Variants in C11orf58 observed in about 807,000 individuals in gnomAD.
C11orf58 encodes small acidic protein.
A neutral mutation model predicts 22.7 loss-of-function variants in C11orf58; 5 were observed. The observed-to-expected ratio is 0.22, with a 90% CI of 0.12 to 0.46. The LOEUF (loss-of-function observed/expected upper bound fraction) is 0.46, where lower values mean the gene tolerates loss of function less well. C11orf58 is among the 20% of genes least tolerant of loss of function. C11orf58 has a pLI of 0.99. For synonymous variants in C11orf58, 71 were observed against 70.7 expected, an observed-to-expected ratio of 1.00 and a Z score of -0.02; for missense variants, 151 against 223.3, an observed-to-expected ratio of 0.68 and a Z score of 2.06.
chr11:16,745,868 C>A (rs1421797134), intron 2 of C11orf58, among the ~76,000 whole-genome samples: 1 of 152,016 alleles, frequency 6.6e-6, no homozygotes, highest in Non-Finnish European at 1.5e-5. Flanking sequence ...AGCTTTTTTT[C>A]TCTTTTTTTA....
rs1848569305 is a variant in C11orf58, at chr11:16,755,430, A to G, written c.*326A>G. On this transcript the variant is annotated 3_prime_UTR_variant, in exon 5 of 5. Coordinates refer to ENST00000228136, the MANE Select transcript of C11orf58 (RefSeq NM_014267.6). Reference sequence around the variant, plus strand: ...TGATAGCTATTTTATCATTTCCTTCATATTTTTCTCTTATAAAAATGTATT... The same window carrying G: ...TGATAGCTATTTTATCATTTCCTTCGTATTTTTCTCTTATAAAAATGTATT... 1 of 179,372 alleles carries G rather than the reference A, an allele frequency of 5.6e-6. No individual in the cohort carries two copies. The highest frequency in any genetic ancestry group is 2.4e-5 in the African/African-American group (1 of 42,038). The allele number at this position is 179,372 out of a possible 1,614,324, so 11.1% of individuals were successfully genotyped here.
Position 16,756,306 on chromosome 11 carries a change from G to A in C11orf58, c.*1202G>A, listed in dbSNP as rs976236607. 9.0e-6 allele frequency: 1 copy of A among 111,092 alleles called. No individual in the cohort carries two copies. Among genetic ancestry groups the A allele is most frequent in the East Asian group, 2.8e-4 (1 of 3,604 alleles). 6.9% of individuals were successfully genotyped at this position (111,092 alleles called of 1,614,324 possible). On this transcript the variant is annotated 3_prime_UTR_variant, in exon 5 of 5. Coordinates refer to ENST00000228136, the MANE Select transcript of C11orf58 (RefSeq NM_014267.6). Reference sequence around the variant, plus strand: ...TTTTTTTGAGACGGAGTCTCATTCTGTCGCCCAGGCTGGAGTGCAGTGGCG... The same window carrying A: ...TTTTTTTGAGACGGAGTCTCATTCTATCGCCCAGGCTGGAGTGCAGTGGCG...
At chr11:16,743,655 A>C (rs1848465311) in intron 1 of C11orf58, among the ~76,000 whole-genome samples, 2 of 152,210 alleles carry the variant, frequency 1.3e-5, no homozygotes, top group South Asian at 4.1e-4. Context: ...TGAAAGCTAA[A>C]AGTAGACAAC....
intron 2 of C11orf58, among the ~76,000 whole-genome samples, chr11:16,745,408 T>C (rs1208892597): frequency 2.0e-5 from 3 of 152,222 alleles, no homozygotes; most frequent in Non-Finnish European, 2.9e-5. Context: ...GAAGTCTTAC[T>C]GATAACATAA....
At chr11:16,744,411 G>A (rs963551945) in intron 1 of C11orf58, 190 bp from the exon 2 acceptor site, 1 of 557,452 alleles carries the variant, frequency 1.8e-6, no homozygotes, top group Non-Finnish European at 3.2e-6. Flanking sequence ...AAAGGATTCT[G>A]CTGTGAGGTA....
chr11:16,746,694 C>G (rs1848490361), intron 2 of C11orf58: 1 of 151,560 alleles, frequency 6.6e-6, no homozygotes, highest in Admixed American at 6.6e-5. Flanking sequence ...ATTAAATTCT[C>G]TTTTTTTTGT....
At chr11:16,753,781 G>C in intron 4 of C11orf58, 1 of 400,210 alleles carries the variant, frequency 2.5e-6, no homozygotes. Flanking sequence ...CTGTCACCCA[G>C]GCTGGAGTAT....
intron 1 of C11orf58, among the ~76,000 whole-genome samples, chr11:16,741,064 C>T (rs1341226327): frequency 1.3e-5 from 2 of 150,196 alleles, no homozygotes; most frequent in African/African-American, 2.5e-5. Context: ...CCACTGCACT[C>T]CAGCCTGGGC....
chr11:16,739,634 C>T (rs1043616699), intron 1 of C11orf58: 2 of 152,156 alleles, frequency 1.3e-5, no homozygotes, highest in Non-Finnish European at 2.9e-5. Context: ...GTCCTAGCTC[C>T]TAGCCCAGTG....
chr11:16,740,251 C>T (rs1848435296), intron 1 of C11orf58, among the ~76,000 whole-genome samples: 1 of 152,158 alleles, frequency 6.6e-6, no homozygotes, highest in South Asian at 2.1e-4. Context: ...TATCTTTTAG[C>T]GTGACAGAAA....
At chr11:16,750,972 G>C (rs542187648) in intron 3 of C11orf58, 1 of 152,270 alleles carries the variant, frequency 6.6e-6, no homozygotes, top group South Asian at 2.1e-4. Context: ...TGTAGGATGT[G>C]CTTAAAATTT....
chr11:16,738,724 C>T lies in C11orf58; in HGVS notation c.-55C>T, dbSNP rs1401698155. 1.3e-6 allele frequency: 2 copies of T among 1,593,248 alleles called. No homozygotes were observed. Among genetic ancestry groups the T allele is most frequent in the Admixed American group, 1.7e-5 (1 of 59,996 alleles). ...GGCGGATTGTAAGCTGCTGGTTTTG[C>T]GGCTGGGAAGAGCGGCGAGAGGGTT... On this transcript the variant is annotated 5_prime_UTR_variant, in exon 1 of 5. Transcript: ENST00000228136.
In C11orf58 at chr11:16,757,009, C is replaced by T. The variant is rs749489398; in HGVS notation, c.*1905C>T. 6.6e-6 allele frequency: 1 copy of T among 150,582 alleles called. No individual in the cohort carries two copies. Among genetic ancestry groups the T allele is most frequent in the African/African-American group, 2.4e-5 (1 of 41,044 alleles). 9.3% of individuals were successfully genotyped at this position (150,582 alleles called of 1,614,324 possible). The stretch of plus-strand genomic sequence containing the variant: ...ACTCTATCTTGCAGTATATTTATTT[C>T]ATGTATCAGACCCCAAAGTTGTTGC... On this transcript the variant is annotated 3_prime_UTR_variant, in exon 5 of 5. Transcript: ENST00000228136.
At chr11:16,752,639 C>T (rs1221214595) in intron 3 of C11orf58, 146 bp from the exon 4 acceptor site, 2 of 451,362 alleles carry the variant, frequency 4.4e-6, no homozygotes, top group Non-Finnish European at 7.7e-6. Flanking sequence ...ATTAGGTAAC[C>T]ACCTATGGCA....
intron 1 of C11orf58, 135 bp from the exon 2 acceptor site, chr11:16,744,466 C>T: frequency 1.5e-6 from 1 of 661,780 alleles, no homozygotes; most frequent in Non-Finnish European, 2.6e-6. Context: ...GCTTAACTTC[C>T]TAAGCAAGAA....
At chr11:16,741,932 GC>G (rs1848451604) in intron 1 of C11orf58, among the ~76,000 whole-genome samples, 1 of 152,158 alleles carries the variant, frequency 6.6e-6, no homozygotes, top group East Asian at 1.9e-4. Context: ...GAAATAAAGT[GC>G]CCAATAAATG....
chr11:16,752,289 T>C (rs963954722), intron 3 of C11orf58: 1 of 152,624 alleles, frequency 6.6e-6, no homozygotes, highest in Non-Finnish European at 1.5e-5. Context: ...CATGGAAAAA[T>C]TGTTTTCCAC....
At chr11:16,740,176 C>T (rs1743488465) in intron 1 of C11orf58, among the ~76,000 whole-genome samples, 1 of 152,168 alleles carries the variant, frequency 6.6e-6, no homozygotes, top group African/African-American at 2.4e-5. Flanking sequence ...AAAGCTGTTA[C>T]ATTGTTTTCC....
At chr11:16,753,807 C>T (rs558590626) in intron 4 of C11orf58, 5 of 405,048 alleles carry the variant, frequency 1.2e-5, no homozygotes, top group Non-Finnish European at 2.2e-5. Context: ...CACAGTCTCA[C>T]TGCCACCTTA....
Sources: gnomAD v4.1 joint callset for allele counts (sites outside exome capture counted in the v4.1 genomes callset) on GRCh38, gnomAD v4.1.1 for gene constraint, MANE v1.5 for transcripts, NCBI Gene and HGNC (gene_info 2026-07-23, HGNC 2026-07-21) for gene names.